The following ZNF793 variants were observed in gnomAD, a reference collection of about 807,000 sequenced individuals.
The protein encoded by ZNF793 is zinc finger protein 793.
Under a neutral mutation model 12.4 loss-of-function variants are expected in ZNF793, and 5 were observed. The ratio of observed to expected loss-of-function variants is 0.40; its 90% CI spans 0.21 to 0.84. The LOEUF is 0.84. Ranked by LOEUF, ZNF793 falls within the 40% of genes least tolerant of loss-of-function variation. The probability of loss-of-function intolerance (pLI) is 0.35; values close to 1 mark genes in which losing one functional copy is unlikely to be tolerated. For synonymous variants in ZNF793, 162 were observed against 172.4 expected (o/e 0.94, Z 0.47); for missense variants, 456 against 495.0 (o/e 0.92, Z 0.75).
intron 2 of ZNF793, among the ~76,000 whole-genome samples, chr19:37,519,469 A>G (rs2042358986): frequency 6.6e-6 from 1 of 152,254 alleles, no homozygotes; most frequent in African/African-American, 2.4e-5. Flanking sequence ...CAAGTTGACT[A>G]TTAAAAATAA....
chr19:37,518,492 A>G (rs542990813), intron 2 of ZNF793, among the ~76,000 whole-genome samples: 9 of 151,920 alleles, frequency 5.9e-5, no homozygotes, highest in East Asian at 5.8e-4. Flanking sequence ...CAGCCTGCCA[A>G]TCTTTTAATT....
In ZNF793 at chr19:37,538,617, T is replaced by TATCATAATGGAA. The variant is rs1487824424; in HGVS notation, c.*744_*755dup. 1 of 152,204 alleles carries TATCATAATGGAA rather than the reference T, an allele frequency of 6.6e-6. No individual in the cohort carries two copies. Among genetic ancestry groups the TATCATAATGGAA allele is most frequent in the Non-Finnish European group, 1.5e-5 (1 of 68,044 alleles). 9.4% of individuals were successfully genotyped at this position (152,204 alleles called of 1,614,324 possible). On this transcript the variant is annotated 3_prime_UTR_variant, in exon 8 of 8. Transcript: ENST00000627814. ...CCAACGCGCCCAACCGACAGTGTTGTATCATAATGGAAATCATGATCTAAT... is the reference window on the plus strand; with the variant it reads ...CCAACGCGCCCAACCGACAGTGTTGTATCATAATGGAAATCATAATGGAAATCATGATCTAAT...
At chr19:37,533,267 A>G in intron 6 of ZNF793, 41 bp from the exon 7 acceptor site, 1 of 1,588,640 alleles carries the variant, frequency 6.3e-7, no homozygotes, top group Non-Finnish European at 8.6e-7. Flanking sequence ...CTGAAGACCA[A>G]GGAGCTCAGC....
intron 2 of ZNF793, among the ~76,000 whole-genome samples, chr19:37,510,589 TGA>T (rs956488598): frequency 6.7e-6 from 1 of 150,282 alleles, no homozygotes; most frequent in African/African-American, 2.4e-5. Context: ...AAGGCTGAAG[TGA>T]GAGGATTCCT....
chr19:37,516,196 G>A (rs975537612), intron 2 of ZNF793, among the ~76,000 whole-genome samples: 6 of 152,132 alleles, frequency 3.9e-5, no homozygotes, highest in Non-Finnish European at 7.4e-5. Flanking sequence ...GTGCAGTGGC[G>A]CGATCTCGGC....
intron 2 of ZNF793, among the ~76,000 whole-genome samples, chr19:37,516,853 C>T (rs1229083052): frequency 6.6e-6 from 1 of 151,884 alleles, no homozygotes; most frequent in Admixed American, 6.6e-5. Context: ...ACCATGTTGG[C>T]CAGGCAGGTC....
chr19:37,519,736 T>C (rs1177528496), intron 2 of ZNF793, among the ~76,000 whole-genome samples: 2 of 152,146 alleles, frequency 1.3e-5, no homozygotes, highest in African/African-American at 2.4e-5. Context: ...TCTTTCTCCA[T>C]TGGAAATCAA....
intron 5 of ZNF793, among the ~76,000 whole-genome samples, chr19:37,526,633 G>C (rs1490648330): frequency 6.6e-6 from 1 of 152,208 alleles, no homozygotes; most frequent in African/African-American, 2.4e-5. Context: ...CTCTATGTGA[G>C]TCTTAGTGTG....
rs779993917 is a variant in ZNF793 at position 37,537,004 on chromosome 19, TATA to T, written c.351_353del (p.Asn117del). On this transcript the variant is annotated inframe_deletion, in exon 8 of 8. Transcript: ENST00000627814. ...ATTGCCCAAGGAGAAAAGCTGTGAA[TATA>T]ATAAGTTTGGGAAAATATCACTTCT... The T allele has an allele frequency of 4.3e-6, 7 of 1,613,962 alleles. No homozygotes were observed. Among genetic ancestry groups the T allele is most frequent in the Non-Finnish European group, 5.9e-6 (7 of 1,179,866 alleles).
chr19:37,516,423 T>A (rs2042332759), intron 2 of ZNF793, among the ~76,000 whole-genome samples: 1 of 152,132 alleles, frequency 6.6e-6, no homozygotes, highest in African/African-American at 2.4e-5. Flanking sequence ...TGTGAGCCAC[T>A]GTGCCCGGCC....
At chr19:37,536,543 GT>G in intron 7 of ZNF793, 1 of 410,874 alleles carries the variant, frequency 2.4e-6, no homozygotes, top group Non-Finnish European at 4.3e-6. Flanking sequence ...ACATTCTTAC[GT>G]TTACATGTTG....
intron 2 of ZNF793, among the ~76,000 whole-genome samples, chr19:37,510,933 G>A (rs953906391): frequency 2.0e-5 from 3 of 151,938 alleles, no homozygotes; most frequent in South Asian, 2.1e-4. Flanking sequence ...TCCTGACCTC[G>A]TGATCCGCCC....
chr19:37,528,895 T>C (rs895184606), intron 5 of ZNF793, among the ~76,000 whole-genome samples: 3 of 152,180 alleles, frequency 2.0e-5, no homozygotes, highest in Non-Finnish European at 4.4e-5. Flanking sequence ...GGAATCTCAC[T>C]TTTGTGCTGA....
chr19:37,530,875 C>G (rs1307373550), intron 5 of ZNF793, among the ~76,000 whole-genome samples: 1 of 152,126 alleles, frequency 6.6e-6, no homozygotes, highest in Non-Finnish European at 1.5e-5. Context: ...CCCGTCTACT[C>G]TTTTGTTCCT....
rs1389118312 is a variant in ZNF793, at chr19:37,539,508, C to T, written c.*1629C>T. 1.3e-5 allele frequency: 2 copies of T among 152,174 alleles called. No homozygotes were observed. The highest frequency in any genetic ancestry group is 2.4e-5 in the African/African-American group (1 of 41,450). 9.4% of individuals were successfully genotyped at this position (152,174 alleles called of 1,614,324 possible). On this transcript the variant is annotated 3_prime_UTR_variant, in exon 8 of 8. Transcript: ENST00000627814. ...ATTATTTCAATGTTTGGAAAGAAGT[C>T]TGCTTCCCTGAGTTGCTATGTCATC...
chr19:37,536,713 T>G (rs2042507496), intron 7 of ZNF793, 184 bp from the exon 8 acceptor site: 7 of 625,996 alleles, frequency 1.1e-5, no homozygotes, highest in Non-Finnish European at 1.9e-5. Flanking sequence ...TACTCTATGA[T>G]ATATTGAATT....
At chr19:37,513,802 A>G (rs2042311049) in intron 2 of ZNF793, among the ~76,000 whole-genome samples, 1 of 152,200 alleles carries the variant, frequency 6.6e-6, no homozygotes. Flanking sequence ...ATGAAGATGG[A>G]AAAGATTAGA....
In ZNF793 at chr19:37,533,351, G is replaced by A; in HGVS notation, c.186G>A (p.Gln62=). The A allele has an allele frequency of 6.2e-7, 1 of 1,614,014 alleles. No individual in the cohort carries two copies. The highest frequency in any genetic ancestry group is 1.1e-5 in the South Asian group (1 of 91,080). Reference sequence around the variant, plus strand: ...CAGATGTGATCCTCAGACTGGAGCAGGAAGAAGCACCATGGATTGGTGAGG... The same window carrying A: ...CAGATGTGATCCTCAGACTGGAGCAAGAAGAAGCACCATGGATTGGTGAGG... ...TKPDVILRLE[Q]EEAPWIGEAA... Residue 62 remains glutamine (Q), a synonymous_variant, in exon 7 of 8, where the codon CAG becomes CAA. Transcript: ENST00000627814.
chr19:37,510,456 A>G (rs2042284793), intron 2 of ZNF793, among the ~76,000 whole-genome samples: 1 of 150,280 alleles, frequency 6.7e-6, no homozygotes, highest in Non-Finnish European at 1.5e-5. Flanking sequence ...CAGAGGTTAC[A>G]GTGAGCCGAG....
Sources: gnomAD v4.1 joint callset for allele counts (sites outside exome capture counted in the v4.1 genomes callset) on GRCh38, gnomAD v4.1.1 for gene constraint, MANE v1.5 for transcripts, NCBI Gene and HGNC (gene_info 2026-07-23, HGNC 2026-07-21) for gene names.